Variants in ADAMTSL3 observed in about 807,000 individuals in gnomAD.
ADAMTSL3 encodes the protein ADAMTS-like protein 3.
ADAMTSL3 carries 128 observed loss-of-function variants against 201.7 expected under a neutral mutation model. The observed-to-expected ratio is 0.63, with a 90% CI of 0.55 to 0.73. ADAMTSL3 has a LOEUF of 0.73. ADAMTSL3 is among the 30% of genes least tolerant of loss of function. ADAMTSL3 has a pLI of 0.00. For synonymous variants in ADAMTSL3, 738 were observed against 748.4 expected, an observed-to-expected ratio of 0.99 and a Z score of 0.23; for missense variants, 1,990 against 2,119.6, an observed-to-expected ratio of 0.94 and a Z score of 1.20.
At chr15:83,961,938 A>G (rs998770179) in intron 19 of ADAMTSL3, 1 of 152,162 alleles carries the variant, frequency 6.6e-6, no homozygotes, top group Non-Finnish European at 1.5e-5. Context: ...AGATTTGGAG[A>G]GATGAGGTAG....
intron 5 of ADAMTSL3, among the ~76,000 whole-genome samples, chr15:83,808,839 A>G (rs2063645584): frequency 6.6e-6 from 1 of 150,930 alleles, no homozygotes; most frequent in South Asian, 2.2e-4. Context: ...GGATGAATCT[A>G]GAGGATATTA....
At chr15:83,950,348 C>G (rs2066735004) in intron 19 of ADAMTSL3, among the ~76,000 whole-genome samples, 1 of 152,094 alleles carries the variant, frequency 6.6e-6, no homozygotes, top group African/African-American at 2.4e-5. Context: ...GATCTCTACT[C>G]TGTTCCATTG....
chr15:83,871,104 C>A, intron 9 of ADAMTSL3, 145 bp downstream of exon 9: 1 of 975,564 alleles, frequency 1.0e-6, no homozygotes, highest in Non-Finnish European at 1.5e-6. Context: ...CTTGGCAGTC[C>A]ATTCTTAAAA....
At chr15:83,890,410 G>A (rs1204455129) in intron 11 of ADAMTSL3, among the ~76,000 whole-genome samples, 163 bp downstream of exon 11, 1 of 152,224 alleles carries the variant, frequency 6.6e-6, no homozygotes, top group Non-Finnish European at 1.5e-5. Context: ...TAGGAATTAG[G>A]ACACATTCAT....
chr15:83,911,158 C>T (rs566641529), intron 15 of ADAMTSL3, among the ~76,000 whole-genome samples: 3 of 152,194 alleles, frequency 2.0e-5, no homozygotes, highest in African/African-American at 7.2e-5. Flanking sequence ...TAAAAACCTC[C>T]CTCTTTACAC....
chr15:83,670,081 A>G (rs1369686729), intron 2 of ADAMTSL3, among the ~76,000 whole-genome samples: 1 of 151,652 alleles, frequency 6.6e-6, no homozygotes, highest in East Asian at 2.0e-4. Context: ...AACATGGTGA[A>G]ATCTCATCTC....
intron 23 of ADAMTSL3, among the ~76,000 whole-genome samples, chr15:84,004,923 T>G (rs577079014): frequency 6.6e-6 from 1 of 152,212 alleles, no homozygotes; most frequent in African/African-American, 2.4e-5. Flanking sequence ...GGCTGGAGGA[T>G]AGCTGTTCTT....
intron 3 of ADAMTSL3, among the ~76,000 whole-genome samples, chr15:83,744,118 G>T (rs2062504220): frequency 2.0e-5 from 3 of 152,084 alleles, no homozygotes; most frequent in African/African-American, 7.2e-5. Flanking sequence ...TCAAAGTGCT[G>T]GGATTATAGG....
chr15:83,837,836 A>G, intron 6 of ADAMTSL3, among the ~76,000 whole-genome samples: 2 of 151,910 alleles, frequency 1.3e-5, no homozygotes, highest in Admixed American at 1.3e-4. Context: ...GAATAAAAAT[A>G]TAAATAGAAA....
intron 4 of ADAMTSL3, among the ~76,000 whole-genome samples, chr15:83,775,949 G>A (rs1361455339): frequency 6.6e-6 from 1 of 152,126 alleles, no homozygotes; most frequent in African/African-American, 2.4e-5. Context: ...ACTCATGCAC[G>A]TGCCCACATC....
intron 3 of ADAMTSL3, among the ~76,000 whole-genome samples, chr15:83,745,459 A>C (rs965223570): frequency 6.6e-6 from 1 of 152,208 alleles, no homozygotes; most frequent in Non-Finnish European, 1.5e-5. Context: ...CACTGACTGT[A>C]ACAGTCCTTC....
intron 3 of ADAMTSL3, among the ~76,000 whole-genome samples, chr15:83,735,802 C>T (rs962734940): frequency 2.0e-5 from 3 of 152,078 alleles, no homozygotes; most frequent in Non-Finnish European, 2.9e-5. Context: ...GGAAGCCCCA[C>T]GTTTAACACA....
intron 3 of ADAMTSL3, among the ~76,000 whole-genome samples, chr15:83,713,019 C>T (rs960536931): frequency 3.9e-5 from 6 of 152,326 alleles, no homozygotes; most frequent in Non-Finnish European, 8.8e-5. Flanking sequence ...CTCTCTACTT[C>T]TCCCAGGTGA....
intron 6 of ADAMTSL3, among the ~76,000 whole-genome samples, chr15:83,826,832 A>G (rs1307903425): frequency 6.6e-6 from 1 of 152,030 alleles, no homozygotes; most frequent in Non-Finnish European, 1.5e-5. Context: ...CCTACAAAGG[A>G]CATGAACTCA....
At chr15:83,779,580 C>A (rs1328089677) in intron 4 of ADAMTSL3, among the ~76,000 whole-genome samples, 1 of 151,640 alleles carries the variant, frequency 6.6e-6, no homozygotes, top group Non-Finnish European at 1.5e-5. Flanking sequence ...TGCCTGTAGT[C>A]CCAGCTACTC....
intron 2 of ADAMTSL3, among the ~76,000 whole-genome samples, chr15:83,700,844 A>G (rs974686427): frequency 6.6e-6 from 1 of 152,252 alleles, no homozygotes; most frequent in Non-Finnish European, 1.5e-5. Context: ...AATCTCTCAC[A>G]TAAATGAAAT....
chr15:83,844,378 C>T (rs971892983), intron 7 of ADAMTSL3, among the ~76,000 whole-genome samples: 1 of 152,196 alleles, frequency 6.6e-6, no homozygotes, highest in African/African-American at 2.4e-5. Flanking sequence ...CTTTGACTGT[C>T]ACTCCCAAAA....
chr15:83,871,179 T>TG (rs1436780295), intron 9 of ADAMTSL3, among the ~76,000 whole-genome samples: 1 of 152,242 alleles, frequency 6.6e-6, no homozygotes, highest in Non-Finnish European at 1.5e-5. Context: ...TTCACTTTTA[T>TG]GGGGGAAGGA....
At chr15:83,720,787 G>A (rs1465009176) in intron 3 of ADAMTSL3, among the ~76,000 whole-genome samples, 1 of 152,104 alleles carries the variant, frequency 6.6e-6, no homozygotes, top group Non-Finnish European at 1.5e-5. Flanking sequence ...TTTATTTCCT[G>A]CCCCATTACA....
Sources: allele counts gnomAD v4.1 joint callset (sites outside exome capture counted in the v4.1 genomes callset), GRCh38; gene constraint gnomAD v4.1.1; transcripts MANE v1.5; gene names NCBI Gene and HGNC (gene_info 2026-07-23, HGNC 2026-07-21).